The following RABGAP1L variants were observed in gnomAD, a reference collection of about 807,000 sequenced individuals.
The protein encoded by RABGAP1L is RAB GTPase activating protein 1 like, also known as rab GTPase-activating protein 1-like.
Under a neutral mutation model 137.7 loss-of-function variants are expected in RABGAP1L, and 63 were observed. The observed-to-expected ratio is 0.46, with a 90% CI of 0.37 to 0.56. The LOEUF (loss-of-function observed/expected upper bound fraction) is 0.56. Ranked by LOEUF, RABGAP1L falls within the 20% of genes least tolerant of loss-of-function variation. The probability of loss-of-function intolerance (pLI) is 0.00; values close to 1 mark genes in which losing one functional copy is unlikely to be tolerated. For synonymous variants in RABGAP1L, 431 were observed against 433.7 expected (o/e 0.99, Z 0.08); for missense variants, 1,095 against 1,244.0 (o/e 0.88, Z 1.80).
chr1:174,239,128 G>A (rs1218228836), intron 4 of RABGAP1L, among the ~76,000 whole-genome samples: 2 of 152,008 alleles, frequency 1.3e-5, no homozygotes, highest in African/African-American at 2.4e-5. Flanking sequence ...GCTTCGGCTC[G>A]CGCACCGTGC....
intron 5 of RABGAP1L, among the ~76,000 whole-genome samples, chr1:174,249,917 C>G (rs77482181): frequency 0.014 from 2,086 of 152,254 alleles, 61 homozygotes; most frequent in African/African-American, 0.048. Context: ...GCTGGGATTA[C>G]AGGCATGGAG....
Position 174,944,975 on chromosome 1 carries a change from A to G in RABGAP1L, c.2341-12482A>G, listed in dbSNP as rs143949417. Among the ~76,000 whole-genome samples, 725 of 152,336 alleles carry G rather than the reference A, an allele frequency of 4.8e-3. 6 individuals are homozygous for G. The highest frequency in any genetic ancestry group is 0.012 in the Admixed American group (187 of 15,300). The stretch of plus-strand genomic sequence containing the variant: ...TGCCAGCGACAATTGACATAAAAGT[A>G]ATGCTTCAGGTTTCTTAGCATTTTA... On this transcript the variant is annotated intron_variant, in intron 19 of 25. Coordinates refer to ENST00000681986, the MANE Select transcript of RABGAP1L (RefSeq NM_001366446.1).
intron 19 of RABGAP1L, among the ~76,000 whole-genome samples, chr1:174,890,532 C>T (rs572815494): frequency 6.6e-6 from 1 of 152,124 alleles, no homozygotes; most frequent in African/African-American, 2.4e-5. Flanking sequence ...GATTTTTAAG[C>T]TCTTACAATT....
At chr1:174,460,518 T>G (rs969830061) in intron 13 of RABGAP1L, among the ~76,000 whole-genome samples, 2 of 152,154 alleles carry the variant, frequency 1.3e-5, no homozygotes, top group African/African-American at 4.8e-5. Flanking sequence ...TATGAACATT[T>G]TTATAAATAA....
At chr1:174,283,463 C>T (rs900119750) in intron 10 of RABGAP1L, among the ~76,000 whole-genome samples, 4 of 151,550 alleles carry the variant, frequency 2.6e-5, no homozygotes, top group Non-Finnish European at 4.4e-5. Flanking sequence ...CTGAGAATGC[C>T]TGAATATGTA....
At chr1:174,883,788 G>A (rs142436328) in intron 19 of RABGAP1L, among the ~76,000 whole-genome samples, 83 of 152,216 alleles carry the variant, frequency 5.5e-4, no homozygotes, top group Non-Finnish European at 9.1e-4. Context: ...CTTGACAGTG[G>A]GAGTGTAAAT....
chr1:174,877,080 A>G (rs1241516935), intron 19 of RABGAP1L, among the ~76,000 whole-genome samples: 1 of 152,198 alleles, frequency 6.6e-6, no homozygotes, highest in Non-Finnish European at 1.5e-5. Context: ...ATGAGCTATT[A>G]TGAAAATTTT....
chr1:174,404,550 T>C (rs181207641), intron 13 of RABGAP1L, among the ~76,000 whole-genome samples: 93 of 152,288 alleles, frequency 6.1e-4, no homozygotes, highest in African/African-American at 2.2e-3. Flanking sequence ...GTCAAAATGA[T>C]AGCACAAAAG....
In RABGAP1L at chr1:174,831,982, G is replaced by A. The variant is rs1476360281; in HGVS notation, c.2340+20022G>A. Reference sequence around the variant, plus strand: ...TACAAAAGAAAATTCAAAAGATCTAGTATTTTGTCTTTTGAAAAATAAGAT... The same window carrying A: ...TACAAAAGAAAATTCAAAAGATCTAATATTTTGTCTTTTGAAAAATAAGAT... On this transcript the variant is annotated intron_variant, in intron 19 of 25. Transcript: ENST00000681986. 2.0e-5 allele frequency among the ~76,000 whole-genome samples: 3 copies of A among 147,910 alleles called. 1 individual carries two copies. Among genetic ancestry groups the A allele is most frequent in the Non-Finnish European group, 4.5e-5 (3 of 66,512 alleles).
intron 13 of RABGAP1L, among the ~76,000 whole-genome samples, chr1:174,609,770 A>G (rs948861698): frequency 6.6e-6 from 1 of 152,214 alleles, no homozygotes; most frequent in South Asian, 2.1e-4. Flanking sequence ...TTCATCTGTC[A>G]CTTTAATAAG....
At chr1:174,365,359 A>G (rs1028680739) in intron 11 of RABGAP1L, 4 of 152,084 alleles carry the variant, frequency 2.6e-5, no homozygotes, top group Non-Finnish European at 5.9e-5. Flanking sequence ...GGCACCTGCC[A>G]CCCTATTTCA....
intron 19 of RABGAP1L, among the ~76,000 whole-genome samples, chr1:174,907,402 T>C (rs1659275013): frequency 6.6e-6 from 1 of 152,182 alleles, no homozygotes; most frequent in Non-Finnish European, 1.5e-5. Flanking sequence ...AGCCTTGACC[T>C]TCTGGGCTCA....
At chr1:174,471,966 C>G (rs1340034914) in intron 13 of RABGAP1L, among the ~76,000 whole-genome samples, 1 of 152,142 alleles carries the variant, frequency 6.6e-6, no homozygotes, top group East Asian at 1.9e-4. Context: ...GACATCAGAG[C>G]TCTCTCTACA....
intron 11 of RABGAP1L, among the ~76,000 whole-genome samples, chr1:174,368,680 G>C (rs1467397): frequency 0.046 from 7,026 of 152,082 alleles, 539 homozygotes; most frequent in African/African-American, 0.16. Context: ...TGGTATATTA[G>C]TGAAAATAGC....
intron 17 of RABGAP1L, among the ~76,000 whole-genome samples, chr1:174,730,278 A>T (rs969824831): frequency 6.6e-6 from 1 of 152,192 alleles, no homozygotes; most frequent in African/African-American, 2.4e-5. Context: ...TAAAGATAGC[A>T]ACAATAGACA....
chr1:174,804,925 C>T (rs748586807), intron 18 of RABGAP1L, among the ~76,000 whole-genome samples: 24 of 152,134 alleles, frequency 1.6e-4, no homozygotes, highest in Non-Finnish European at 3.5e-4. Context: ...TCCCTTTTTA[C>T]CTCTGTTGTT....
At chr1:174,800,477 CTGTT>C in intron 18 of RABGAP1L, 1 of 1,550,846 alleles carries the variant, frequency 6.4e-7, no homozygotes, top group Non-Finnish European at 8.7e-7. Flanking sequence ...GGGGCATCGT[CTGTT>C]TGTGCCTCGG....
chr1:174,192,895 A>G (rs1329323880), intron 1 of RABGAP1L, among the ~76,000 whole-genome samples: 1 of 152,228 alleles, frequency 6.6e-6, no homozygotes, highest in Non-Finnish European at 1.5e-5. Flanking sequence ...TCGTTACTGT[A>G]GGAGACAGAC....
At chr1:174,190,301 C>CAAAAAAAAAA (rs57629149) in intron 1 of RABGAP1L, among the ~76,000 whole-genome samples, 1 of 90,248 alleles carries the variant, frequency 1.1e-5, no homozygotes. Flanking sequence ...GACTCCGTTG[C>CAAAAAAAAAA]AAAAAAAAAA....
Sources: allele counts gnomAD v4.1 joint callset (sites outside exome capture counted in the v4.1 genomes callset), GRCh38; gene constraint gnomAD v4.1.1; transcripts MANE v1.5; gene names NCBI Gene and HGNC (gene_info 2026-07-23, HGNC 2026-07-21).